The following GAB2 variants were observed in gnomAD, a reference collection of about 807,000 sequenced individuals.
GAB2 encodes GRB2-associated-binding protein 2.
GAB2 carries 26 observed loss-of-function variants against 65.5 expected under a neutral mutation model. The ratio of observed to expected loss-of-function variants is 0.40; its 90% CI spans 0.29 to 0.55. GAB2 has a LOEUF of 0.55. Among genes scored for constraint, GAB2 ranks in the 20% least tolerant of loss-of-function variants. The probability of loss-of-function intolerance (pLI) is 0.53; values close to 1 mark genes in which losing one functional copy is unlikely to be tolerated. For synonymous variants in GAB2, 321 were observed against 329.6 expected, an observed-to-expected ratio of 0.97 and a Z score of 0.28; for missense variants, 884 against 875.8, an observed-to-expected ratio of 1.01 and a Z score of -0.12.
chr11:78,254,815 A>G (rs1865552600), intron 2 of GAB2, among the ~76,000 whole-genome samples: 1 of 151,868 alleles, frequency 6.6e-6, no homozygotes, highest in African/African-American at 2.4e-5. Flanking sequence ...AGAAAAAAGA[A>G]AAAAGAAAAA....
At position 78,382,647 on chromosome 11, in the gene GAB2, T is replaced by C. The variant is rs72933703; in HGVS notation, c.75+34999A>G. On this transcript the variant is annotated intron_variant, in intron 1 of 9. Transcript: ENST00000361507. ...GCACATAAAATTAAGTCACCACGCA[T>C]GGAAAGCAATGCATTCCTTCCTTTT... 4.9e-3 allele frequency among the ~76,000 whole-genome samples: 749 copies of C among 152,304 alleles called. 3 individuals carry two copies. Among genetic ancestry groups the C allele is most frequent in the Middle Eastern group, 0.027 (8 of 294 alleles).
chr11:78,414,203 C>T (rs1418840031), intron 1 of GAB2, among the ~76,000 whole-genome samples: 1 of 151,876 alleles, frequency 6.6e-6, no homozygotes, highest in Non-Finnish European at 1.5e-5. Flanking sequence ...TTTCAATTTT[C>T]CTTTGAAGGA....
intron 1 of GAB2, among the ~76,000 whole-genome samples, chr11:78,348,033 T>C (rs746861514): frequency 8.5e-5 from 13 of 152,214 alleles, no homozygotes; most frequent in Non-Finnish European, 1.5e-4. Flanking sequence ...TAAGGAAGAT[T>C]AAAATGTATT....
intron 1 of GAB2, among the ~76,000 whole-genome samples, chr11:78,413,034 G>C (rs1857149190): frequency 6.6e-6 from 1 of 152,210 alleles, no homozygotes; most frequent in Non-Finnish European, 1.5e-5. Flanking sequence ...TGAGCAAGTA[G>C]GTGCTTAGTG....
chr11:78,302,794 G>A (rs1215951179), intron 1 of GAB2, among the ~76,000 whole-genome samples: 1 of 152,154 alleles, frequency 6.6e-6, no homozygotes, highest in African/African-American at 2.4e-5. Context: ...CTATCAATGA[G>A]TGGATAAAGA....
At chr11:78,312,615 G>A (rs1855524543) in intron 1 of GAB2, among the ~76,000 whole-genome samples, 1 of 151,998 alleles carries the variant, frequency 6.6e-6, no homozygotes, top group African/African-American at 2.4e-5. Context: ...TTTTAGTAGA[G>A]ACAGGGTTTC....
At chr11:78,313,566 A>C (rs940241642) in intron 1 of GAB2, among the ~76,000 whole-genome samples, 3 of 152,174 alleles carry the variant, frequency 2.0e-5, no homozygotes, top group Non-Finnish European at 4.4e-5. Context: ...CCTATGATTC[A>C]GTTTCTCCAC....
At chr11:78,320,418 A>G (rs1855700344) in intron 1 of GAB2, among the ~76,000 whole-genome samples, 1 of 152,162 alleles carries the variant, frequency 6.6e-6, no homozygotes, top group Non-Finnish European at 1.5e-5. Context: ...ATAGCAAGGA[A>G]GAGGGTCTTA....
intron 5 of GAB2, 136 bp downstream of exon 5, chr11:78,224,972 A>T: frequency 1.6e-6 from 1 of 637,120 alleles, no homozygotes; most frequent in Non-Finnish European, 2.8e-6. Context: ...AGGGTTCTGA[A>T]CTGAGACAAG....
intron 1 of GAB2, among the ~76,000 whole-genome samples, chr11:78,408,071 G>GA (rs200067743): frequency 0.022 from 3,374 of 151,760 alleles, 113 homozygotes; most frequent in African/African-American, 0.078. Context: ...GAAAGGAAAT[G>GA]AAAAAAAGAG....
At chr11:78,390,068 C>T (rs139991500) in intron 1 of GAB2, among the ~76,000 whole-genome samples, 253 of 152,274 alleles carry the variant, frequency 1.7e-3, no homozygotes, top group Middle Eastern at 0.014. Context: ...ACACACGCCA[C>T]GTGCAGTAAC....
In GAB2 at chr11:78,346,708, TATATATATATATAA is replaced by T. The variant is rs1338026744; in HGVS notation, c.76-65821_76-65808del. On this transcript the variant is annotated intron_variant, in intron 1 of 9. Transcript: ENST00000361507. ...ATATATATATATATATATATATATA[TATATATATATATAA>T]TTTTTTTTTTTTTTAGGAAAAGAAA... is the stretch of plus-strand genomic sequence containing the variant. Among the ~76,000 whole-genome samples the T allele has an allele frequency of 1.0e-3, 76 of 76,246 alleles. 2 individuals carry two copies. Among genetic ancestry groups the T allele is most frequent in the Middle Eastern group, 7.1e-3 (1 of 140 alleles). 50.0% of individuals were successfully genotyped at this position (76,246 alleles called of 152,430 possible). A position where few individuals can be genotyped will look rare whatever the true frequency, so the allele number is the denominator to read the frequency against.
chr11:78,319,488 G>T (rs1333583937), intron 1 of GAB2, among the ~76,000 whole-genome samples: 1 of 152,158 alleles, frequency 6.6e-6, no homozygotes, highest in Non-Finnish European at 1.5e-5. Flanking sequence ...TAGAGTTTCT[G>T]TTCTTTACAG....
At chr11:78,371,035 C>T (rs184901065) in intron 1 of GAB2, among the ~76,000 whole-genome samples, 2 of 152,288 alleles carry the variant, frequency 1.3e-5, no homozygotes, top group African/African-American at 4.8e-5. Flanking sequence ...CAGAGCCCCA[C>T]CCTCACAGAG....
intron 3 of GAB2, among the ~76,000 whole-genome samples, chr11:78,232,092 T>C (rs923550763): frequency 3.3e-5 from 5 of 152,232 alleles, no homozygotes; most frequent in Non-Finnish European, 7.3e-5. Context: ...AGCAAAGCTG[T>C]ATATGTGAAA....
intron 1 of GAB2, among the ~76,000 whole-genome samples, chr11:78,290,029 T>C (rs188476555): frequency 9.9e-5 from 15 of 152,034 alleles, no homozygotes; most frequent in African/African-American, 3.6e-4. Context: ...CGGGGAGCCA[T>C]TGAAGAGTAT....
rs530523439 is a variant in GAB2, at chr11:78,324,018, A to C, written c.76-43117T>G. Among the ~76,000 whole-genome samples, 3 of 151,918 alleles carry C rather than the reference A, an allele frequency of 2.0e-5. 1 individual carries two copies. Among genetic ancestry groups the C allele is most frequent in the African/African-American group, 7.2e-5 (3 of 41,478 alleles). ...TTGCCATGTGGGCCAGGCTGGTCTC[A>C]AACTACTGACCTCAGGTGATCTGCC... is the stretch of plus-strand genomic sequence containing the variant. On this transcript the variant is annotated intron_variant, in intron 1 of 9. Transcript: ENST00000361507.
At chr11:78,406,092 T>C (rs1160994208) in intron 1 of GAB2, among the ~76,000 whole-genome samples, 1 of 152,174 alleles carries the variant, frequency 6.6e-6, no homozygotes, top group African/African-American at 2.4e-5. Context: ...TAGAAAGCTA[T>C]GATATGCATA....
chr11:78,322,914 T>C (rs1189212075), intron 1 of GAB2, among the ~76,000 whole-genome samples: 3 of 151,932 alleles, frequency 2.0e-5, no homozygotes, highest in Non-Finnish European at 4.4e-5. Context: ...AGTTTGGAGA[T>C]TTTGCAAAGA....
Sources: allele counts gnomAD v4.1 joint callset (sites outside exome capture counted in the v4.1 genomes callset), GRCh38; gene constraint gnomAD v4.1.1; transcripts MANE v1.5; gene names NCBI Gene and HGNC (gene_info 2026-07-23, HGNC 2026-07-21).